Variants in RNF11 observed in about 807,000 individuals in gnomAD.
RNF11 encodes ring finger protein 11.
A neutral mutation model predicts 15.8 loss-of-function variants in RNF11; 4 were observed. That is an observed-to-expected ratio of 0.25 (90% CI 0.12 to 0.58). The LOEUF (loss-of-function observed/expected upper bound fraction) is 0.58, where lower values mean the gene tolerates loss of function less well. RNF11 is among the 20% of genes least tolerant of loss of function. The pLI is 0.91. For synonymous variants in RNF11, 68 were observed against 72.3 expected, an observed-to-expected ratio of 0.94 and a Z score of 0.30; for missense variants, 139 against 194.4, an observed-to-expected ratio of 0.71 and a Z score of 1.70.
intron 1 of RNF11, among the ~76,000 whole-genome samples, chr1:51,250,359 G>A (rs1646871202): frequency 1.3e-5 from 2 of 152,142 alleles, no homozygotes; most frequent in Admixed American, 1.3e-4. Flanking sequence ...ATGCTAAGCT[G>A]TAGTCACTAT....
chr1:51,265,025 C>G (rs1316833159), intron 1 of RNF11: 3 of 152,132 alleles, frequency 2.0e-5, no homozygotes, highest in African/African-American at 7.2e-5. Context: ...ATGTTTGACC[C>G]TATCTTCTGG....
intron 1 of RNF11, among the ~76,000 whole-genome samples, chr1:51,264,287 A>AAATATAT (rs1557682286): frequency 1.8e-4 from 6 of 32,532 alleles, no homozygotes; most frequent in African/African-American, 3.1e-4. Flanking sequence ...AAAAAAAAAA[A>AAATATAT]ATATATATAT....
chr1:51,237,320 C>T (rs912121733), intron 1 of RNF11, among the ~76,000 whole-genome samples: 2 of 151,664 alleles, frequency 1.3e-5, no homozygotes, highest in East Asian at 1.9e-4. Flanking sequence ...CCACCTCCCT[C>T]GTCTTTTTGT....
intron 1 of RNF11, chr1:51,251,447 C>CT: frequency 1.3e-6 from 1 of 759,306 alleles, no homozygotes; most frequent in Non-Finnish European, 2.2e-6. Context: ...CGGGCCCCCC[C>CT]CCGCTGCACT....
intron 1 of RNF11, among the ~76,000 whole-genome samples, chr1:51,246,373 G>A (rs190900495): frequency 7.1e-4 from 108 of 152,134 alleles, no homozygotes; most frequent in African/African-American, 2.5e-3. Context: ...CCAGGAGTTC[G>A]AAACCAGCCT....
intron 1 of RNF11, among the ~76,000 whole-genome samples, chr1:51,247,320 A>C (rs1455135411): frequency 6.6e-6 from 1 of 152,130 alleles, no homozygotes; most frequent in Non-Finnish European, 1.5e-5. Context: ...AGCTCAAGCC[A>C]ACCTCCTGGT....
At chr1:51,255,865 A>G (rs1421106610) in intron 1 of RNF11, among the ~76,000 whole-genome samples, 1 of 152,164 alleles carries the variant, frequency 6.6e-6, no homozygotes, top group Admixed American at 6.5e-5. Flanking sequence ...CTGTAGCTTT[A>G]TAAGTAAGGT....
At chr1:51,252,772 G>A (rs1055888608) in intron 1 of RNF11, among the ~76,000 whole-genome samples, 1 of 151,064 alleles carries the variant, frequency 6.6e-6, no homozygotes. Flanking sequence ...TTGGCCTTTC[G>A]GGTATTGTCT....
At chr1:51,250,203 A>G (rs765652114) in intron 1 of RNF11, among the ~76,000 whole-genome samples, 31 of 152,172 alleles carry the variant, frequency 2.0e-4, no homozygotes, top group Non-Finnish European at 3.1e-4. Context: ...GATGTACACC[A>G]TGGTGTTTTA....
At chr1:51,254,759 G>A (rs572895633) in intron 1 of RNF11, among the ~76,000 whole-genome samples, 31 of 152,132 alleles carry the variant, frequency 2.0e-4, no homozygotes, top group African/African-American at 5.8e-4. Flanking sequence ...CACTGCACCC[G>A]GCCATTTTTT....
chr1:51,269,813 G>A, intron 1 of RNF11, 143 bp from the exon 2 acceptor site: 1 of 664,170 alleles, frequency 1.5e-6, no homozygotes, highest in Non-Finnish European at 2.7e-6. Context: ...TTAAGGCAGG[G>A]TGAAACACAG....
intron 1 of RNF11, among the ~76,000 whole-genome samples, chr1:51,244,446 G>A (rs1456861891): frequency 6.6e-6 from 1 of 151,946 alleles, no homozygotes; most frequent in African/African-American, 2.4e-5. Context: ...GTGCAGTGGC[G>A]CGATCTCAGC....
intron 1 of RNF11, chr1:51,251,445 C>T: frequency 1.3e-6 from 1 of 796,758 alleles, no homozygotes; most frequent in Non-Finnish European, 2.0e-6. Flanking sequence ...TCCGGGCCCC[C>T]CCCCGCTGCA....
Position 51,271,366 on chromosome 1 carries a change from G to A in RNF11, c.*44G>A. ...ACTTCAAGTGAACCACCATTTTGGT[G>A]GTTTTGATCTTTTGTCACTGAGCCC... On this transcript the variant is annotated 3_prime_UTR_variant, in exon 3 of 3. Coordinates refer to ENST00000242719, the MANE Select transcript of RNF11 (RefSeq NM_014372.5). 6.6e-7 allele frequency: 1 copy of A among 1,519,858 alleles called. No individual in the cohort carries two copies. The highest frequency in any genetic ancestry group is 1.8e-5 in the Admixed American group (1 of 54,916). The allele number at this position is 1,519,858 out of a possible 1,614,324, so 94.1% of individuals were successfully genotyped here.
chr1:51,247,457 T>G (rs1231181141), intron 1 of RNF11, among the ~76,000 whole-genome samples: 6 of 145,502 alleles, frequency 4.1e-5, no homozygotes, highest in South Asian at 2.1e-4. Context: ...TTTTTTTGTT[T>G]TTTTTTTTTG....
At position 51,236,633 on chromosome 1, in the gene RNF11, G is replaced by A; in HGVS notation, c.-124G>A. The A allele has an allele frequency of 1.5e-6, 2 of 1,340,510 alleles. No homozygotes were observed. The highest frequency in any genetic ancestry group is 2.1e-6 in the Non-Finnish European group (2 of 968,574). The allele number at this position is 1,340,510 out of a possible 1,614,324, so 83.0% of individuals were successfully genotyped here. ...GGCGGCACCGTGGGGCGGTGGAGTC[G>A]CCTCCGCCTGATCCCCGGCCTGTCG... On this transcript the variant is annotated 5_prime_UTR_variant, in exon 1 of 3. Transcript: ENST00000242719.
At chr1:51,244,779 C>G (rs1646844701) in intron 1 of RNF11, among the ~76,000 whole-genome samples, 1 of 152,092 alleles carries the variant, frequency 6.6e-6, no homozygotes, top group African/African-American at 2.4e-5. Flanking sequence ...CAGGATTTTT[C>G]TTTGTTTCTG....
intron 1 of RNF11, among the ~76,000 whole-genome samples, chr1:51,257,537 C>G (rs1646909283): frequency 6.6e-6 from 1 of 152,160 alleles, no homozygotes. Flanking sequence ...TCACTGCAAC[C>G]TCTGCCCCCT....
chr1:51,266,084 T>C (rs1646953582), intron 1 of RNF11: 1 of 152,186 alleles, frequency 6.6e-6, no homozygotes, highest in African/African-American at 2.4e-5. Flanking sequence ...CTCAGAGATA[T>C]TAAGAAGCTT....
Sources: gnomAD v4.1 joint callset for allele counts (sites outside exome capture counted in the v4.1 genomes callset) on GRCh38, gnomAD v4.1.1 for gene constraint, MANE v1.5 for transcripts, NCBI Gene and HGNC (gene_info 2026-07-23, HGNC 2026-07-21) for gene names.